The following PDCD11 variants were observed in gnomAD, a reference collection of about 807,000 sequenced individuals.
PDCD11 encodes protein RRP5 homolog.
PDCD11 carries 97 observed loss-of-function variants against 198.9 expected under a neutral mutation model. That is an observed-to-expected ratio of 0.49 (90% CI 0.41 to 0.58). The LOEUF (loss-of-function observed/expected upper bound fraction) is 0.58. Ranked by LOEUF, PDCD11 falls within the 20% of genes least tolerant of loss-of-function variation. The pLI is 0.00. For synonymous variants in PDCD11, 893 were observed against 918.0 expected, an observed-to-expected ratio of 0.97 and a Z score of 0.49; for missense variants, 2,102 against 2,312.7, an observed-to-expected ratio of 0.91 and a Z score of 1.87.
chr10:103,435,802 G>C (rs188258586), intron 25 of PDCD11, among the ~76,000 whole-genome samples: 1 of 152,092 alleles, frequency 6.6e-6, no homozygotes, highest in African/African-American at 2.4e-5. Context: ...CATGAGCCAC[G>C]GTGCCTGGCC....
intron 22 of PDCD11, 50 bp from the exon 23 acceptor site, chr10:103,433,898 G>C: frequency 7.0e-7 from 1 of 1,420,678 alleles, no homozygotes; most frequent in East Asian, 2.3e-5. Context: ...TTAATGGCGG[G>C]AAACCTTGTA....
intron 21 of PDCD11, among the ~76,000 whole-genome samples, chr10:103,429,941 T>C (rs1198059727): frequency 6.6e-6 from 1 of 152,182 alleles, no homozygotes; most frequent in East Asian, 1.9e-4. Flanking sequence ...TGTGATGTCT[T>C]CAAGGTTTAT....
intron 19 of PDCD11, 102 bp from the exon 20 acceptor site, chr10:103,424,882 G>C: frequency 1.5e-6 from 2 of 1,348,346 alleles, no homozygotes; most frequent in Admixed American, 4.2e-5. Flanking sequence ...CTAGCCTTGG[G>C]ACCCCAGAGG....
chr10:103,422,145 G>A (rs920501126), intron 17 of PDCD11, among the ~76,000 whole-genome samples: 6 of 149,508 alleles, frequency 4.0e-5, no homozygotes, highest in Non-Finnish European at 8.9e-5. Flanking sequence ...GTGGTGGTGC[G>A]ATCTTGGCCA....
chr10:103,406,104 C>T lies in PDCD11; in HGVS notation c.684C>T (p.Asn228=). Residue 228 remains asparagine, a synonymous_variant, in exon 6 of 36, where the codon AAC becomes AAT. Transcript: ENST00000369797. ...LKAQEYIRQK[N]KGAKLKVGQY... ...CCCAGGAGTACATCAGACAGAAGAA[C>T]AAAGGTGAGGGCAAGAAAAGGGGCC... The T allele has an allele frequency of 6.2e-7, 1 of 1,613,854 alleles. No homozygotes were observed. The highest frequency in any genetic ancestry group is 8.5e-7 in the Non-Finnish European group (1 of 1,179,900).
At chr10:103,403,306 G>A (rs773263615) in intron 4 of PDCD11, 21 bp downstream of exon 4, 17 of 1,597,714 alleles carry the variant, frequency 1.1e-5, no homozygotes, top group East Asian at 2.2e-5. Context: ...TCCGAATGAA[G>A]CCTGTTATTG....
At chr10:103,418,004 A>C in intron 14 of PDCD11, 72 bp downstream of exon 14, 1 of 1,534,920 alleles carries the variant, frequency 6.5e-7, no homozygotes, top group Non-Finnish European at 9.0e-7. Context: ...AACACATGGC[A>C]TATTGGAACC....
chr10:103,400,283 G>C lies in PDCD11; in HGVS notation c.103-114G>C, dbSNP rs144244538. 1,547 of 817,516 alleles carry C rather than the reference G, an allele frequency of 1.9e-3. 7 individuals carry two copies. The highest frequency in any genetic ancestry group is 2.7e-3 in the Non-Finnish European group (1,414 of 531,820). The allele number at this position is 817,516 out of a possible 1,614,324, so 50.6% of individuals were successfully genotyped here. On this transcript the variant is annotated intron_variant, in intron 2 of 35. Transcript: ENST00000369797. ...GAACAATTGGGAGTGGGATGGGGTAGGGTGGAGTGAAGGAGTAACAAAGCA... is the reference window on the plus strand; with the variant it reads ...GAACAATTGGGAGTGGGATGGGGTACGGTGGAGTGAAGGAGTAACAAAGCA...
intron 1 of PDCD11, among the ~76,000 whole-genome samples, chr10:103,397,428 A>T (rs2093442551): frequency 6.6e-6 from 1 of 152,134 alleles, no homozygotes; most frequent in African/African-American, 2.4e-5. Flanking sequence ...TCCACAAAAA[A>T]GCCCAACTTC....
At position 103,396,661 on chromosome 10, in the gene PDCD11, C is replaced by T. The variant is rs1258138603; in HGVS notation, c.-81C>T. The T allele has an allele frequency of 1.3e-5, 2 of 152,350 alleles. No homozygotes were observed. The highest frequency in any genetic ancestry group is 6.5e-5 in the Admixed American group (1 of 15,278). The allele number at this position is 152,350 out of a possible 1,614,324, so 9.4% of individuals were successfully genotyped here. ...AAGAATTGCACTGGACTGTGGGTAT[C>T]CTGGTCTCCGCGTGTGTGAGTACCG... On this transcript the variant is annotated 5_prime_UTR_variant, in exon 1 of 36. Transcript: ENST00000369797.
chr10:103,406,944 A>G (rs1267784068), intron 7 of PDCD11, among the ~76,000 whole-genome samples, 154 bp downstream of exon 7: 1 of 152,264 alleles, frequency 6.6e-6, no homozygotes, highest in Non-Finnish European at 1.5e-5. Context: ...ACATGTTGAA[A>G]TGATAATATT....
Position 103,440,584 on chromosome 10 carries a change from G to A in PDCD11, c.4440+3G>A. ...GCCGGGAGTCTGGGAGTGAGCAGGTGAGGTCCTGCGGAGGGCTGTGGCTGC... is the reference window on the plus strand; with the variant it reads ...GCCGGGAGTCTGGGAGTGAGCAGGTAAGGTCCTGCGGAGGGCTGTGGCTGC... On this transcript the variant is annotated splice_donor_region_variant and intron_variant, in intron 29 of 35. Coordinates refer to ENST00000369797, the MANE Select transcript of PDCD11 (RefSeq NM_014976.2). 1.2e-6 allele frequency: 2 copies of A among 1,610,254 alleles called. No homozygotes were observed. The highest frequency in any genetic ancestry group is 1.7e-6 in the Non-Finnish European group (2 of 1,179,036).
In PDCD11 at chr10:103,419,551, A is replaced by G; in HGVS notation, c.2120A>G (p.Lys707Arg). 6.2e-7 allele frequency: 1 copy of G among 1,613,586 alleles called. No individual in the cohort carries two copies. Among genetic ancestry groups the G allele is most frequent in the Non-Finnish European group, 8.5e-7 (1 of 1,179,788 alleles). The change falls in exon 16 of 36, where the codon AAG (lysine) becomes AGG (arginine). Residue 707 changes from lysine to arginine, a missense_variant. Transcript: ENST00000369797. ...QSEGRVLLCR[K>R]PALVSTVEGG... is the part of the protein sequence containing the mutation. Reference sequence around the variant, plus strand: ...AAGTACCACTAGCTTCTTTGCAGGAAGCCAGCCTTGGTCTCCACAGTAGAA... The same window carrying G: ...AAGTACCACTAGCTTCTTTGCAGGAGGCCAGCCTTGGTCTCCACAGTAGAA...
chr10:103,404,803 A>G (rs1056147057), intron 4 of PDCD11, among the ~76,000 whole-genome samples: 2 of 152,206 alleles, frequency 1.3e-5, no homozygotes, highest in Non-Finnish European at 2.9e-5. Flanking sequence ...GTCATTTTAC[A>G]TGCCAGTTAT....
At position 103,409,728 on chromosome 10, in the gene PDCD11, C is replaced by T; in HGVS notation, c.900C>T (p.Phe300=). The T allele has an allele frequency of 6.2e-7, 1 of 1,614,080 alleles. No homozygotes were observed. The highest frequency in any genetic ancestry group is 1.3e-5 in the African/African-American group (1 of 75,030). Residue 300 remains phenylalanine (F), a synonymous_variant, in exon 8 of 36, where the codon TTC becomes TTT. Transcript: ENST00000369797. ...KVTPFGLTLN[F]LTFFTGVVDF... ...CTCCATTTGGCCTTACGCTAAACTTCCTCACATTCTTCACGGGCGTGGTTG... is the reference window on the plus strand; with the variant it reads ...CTCCATTTGGCCTTACGCTAAACTTTCTCACATTCTTCACGGGCGTGGTTG...
intron 4 of PDCD11, 83 bp downstream of exon 4, chr10:103,403,368 A>G: frequency 2.3e-6 from 3 of 1,312,192 alleles, no homozygotes; most frequent in East Asian, 2.3e-5. Flanking sequence ...CCAGGTGCTA[A>G]GAAGGGAAAG....
chr10:103,424,201 G>A (rs1168391880), intron 19 of PDCD11, among the ~76,000 whole-genome samples: 1 of 152,188 alleles, frequency 6.6e-6, no homozygotes, highest in East Asian at 1.9e-4. Context: ...ACCCTCGCCT[G>A]CCTTGTCTTC....
Position 103,417,709 on chromosome 10 carries a change from CT to C in PDCD11, c.1771-82del. The C allele has an allele frequency of 2.1e-5, 31 of 1,452,942 alleles. No individual in the cohort carries two copies. In the East Asian group the frequency reaches 4.5e-4, roughly 21 times the overall value. 90.0% of individuals were successfully genotyped at this position (1,452,942 alleles called of 1,614,324 possible). A position where few individuals can be genotyped will look rare whatever the true frequency, so the allele number is the denominator to read the frequency against. Reference sequence around the variant, plus strand: ...AGGCTCGGTAGATCTCCCAAGTCCTCTGCAGCAGTAGTGGAGGGCACGTTGC... The same window carrying C: ...AGGCTCGGTAGATCTCCCAAGTCCTCGCAGCAGTAGTGGAGGGCACGTTGC... On this transcript the variant is annotated intron_variant, in intron 13 of 35. Coordinates refer to ENST00000369797, the MANE Select transcript of PDCD11 (RefSeq NM_014976.2).
chr10:103,412,157 GCTAA>G (rs1015330969), intron 8 of PDCD11, among the ~76,000 whole-genome samples: 2 of 149,404 alleles, frequency 1.3e-5, no homozygotes, highest in African/African-American at 4.9e-5. Context: ...ACCATGCTTG[GCTAA>G]CTTTTTTTTT....
Sources: allele counts gnomAD v4.1 joint callset (sites outside exome capture counted in the v4.1 genomes callset), GRCh38; gene constraint gnomAD v4.1.1; transcripts MANE v1.5; gene names NCBI Gene and HGNC (gene_info 2026-07-23, HGNC 2026-07-21).